Variants in SLC30A8 observed in about 807,000 individuals in gnomAD.
SLC30A8 encodes the protein proton-coupled zinc antiporter SLC30A8.
A neutral mutation model predicts 36.9 loss-of-function variants in SLC30A8; 27 were observed. The observed-to-expected ratio is 0.73, with a 90% CI of 0.54 to 1.01. SLC30A8 has a LOEUF of 1.01. Ranked by LOEUF, SLC30A8 falls within the 50% of genes least tolerant of loss-of-function variation. SLC30A8 has a pLI of 0.00. For missense variants in SLC30A8, 439 were observed against 452.0 expected, an observed-to-expected ratio of 0.97 and a Z score of 0.26; for synonymous variants, 164 against 172.4, an observed-to-expected ratio of 0.95 and a Z score of 0.38.
chr8:117,090,639 A>G (rs889421803), intron 2 of SLC30A8, among the ~76,000 whole-genome samples: 3 of 152,136 alleles, frequency 2.0e-5, no homozygotes, highest in African/African-American at 4.8e-5. Context: ...CTTATGATCT[A>G]AGCACATACC....
rs1821292861 is a variant in SLC30A8 at position 117,135,009 on chromosome 8, C to T, written c.-319C>T. On this transcript the variant is annotated 5_prime_UTR_variant, in exon 1 of 8. Coordinates refer to ENST00000456015, the MANE Select transcript of SLC30A8 (RefSeq NM_173851.3). ...CAATTTGTAGCAAGCTCTTGAGCTC[C>T]TCTACCTCTTAGAAAGCACAATTGA... The T allele has an allele frequency of 4.9e-6, 1 of 202,598 alleles. No individual in the cohort carries two copies. The highest frequency in any genetic ancestry group is 2.3e-5 in the African/African-American group (1 of 43,536). The allele number at this position is 202,598 out of a possible 1,614,324, so 12.6% of individuals were successfully genotyped here.
At chr8:117,010,859 C>T (rs1011341650) in intron 1 of SLC30A8, among the ~76,000 whole-genome samples, 1 of 152,142 alleles carries the variant, frequency 6.6e-6, no homozygotes. Context: ...TTTAAACAAC[C>T]AGCTCTTGTG....
intron 1 of SLC30A8, among the ~76,000 whole-genome samples, chr8:116,966,326 A>G (rs1232668300): frequency 5.3e-5 from 8 of 152,134 alleles, no homozygotes; most frequent in Admixed American, 5.2e-4. Flanking sequence ...GCTCAAGTTC[A>G]ATGGCTAGTT....
chr8:116,973,235 G>A (rs1814851957), intron 1 of SLC30A8, among the ~76,000 whole-genome samples: 1 of 152,164 alleles, frequency 6.6e-6, no homozygotes, highest in South Asian at 2.1e-4. Context: ...AAGCCACCGA[G>A]TTTGTGGTAT....
chr8:116,979,132 G>A (rs1586354720), intron 1 of SLC30A8, among the ~76,000 whole-genome samples: 1 of 150,284 alleles, frequency 6.7e-6, no homozygotes, highest in Non-Finnish European at 1.5e-5. Context: ...CCAGCTACTC[G>A]GGAGGCTGAG....
At chr8:117,080,053 A>T (rs1818620402) in intron 2 of SLC30A8, among the ~76,000 whole-genome samples, 1 of 152,194 alleles carries the variant, frequency 6.6e-6, no homozygotes, top group African/African-American at 2.4e-5. Flanking sequence ...TGGAGTACAG[A>T]CAAGGAGCGA....
intron 2 of SLC30A8, among the ~76,000 whole-genome samples, chr8:117,106,909 A>G (rs1820019123): frequency 6.6e-6 from 1 of 152,190 alleles, no homozygotes; most frequent in African/African-American, 2.4e-5. Context: ...TGACCTGCAT[A>G]TGCTTTATTG....
intron 1 of SLC30A8, among the ~76,000 whole-genome samples, chr8:117,146,107 A>G (rs1282117718): frequency 6.6e-6 from 1 of 152,164 alleles, no homozygotes; most frequent in African/African-American, 2.4e-5. Flanking sequence ...CAAAATAGCC[A>G]GAAAAGAATA....
chr8:117,083,649 A>G (rs1818749514), intron 2 of SLC30A8, among the ~76,000 whole-genome samples: 1 of 152,184 alleles, frequency 6.6e-6, no homozygotes. Flanking sequence ...TTTTCCAGGT[A>G]GCCTGACCCA....
rs184065807 is a variant in SLC30A8, at chr8:116,954,607, A to G, written c.-266+3488A>G. On this transcript the variant is annotated intron_variant, in intron 1 of 10. Transcript: ENST00000427715. ...CCTTGGAAAGAACAATTTCTGTGGAATGGTAGGTGTAGAATCTGAGTAATA... is the reference window on the plus strand; with the variant it reads ...CCTTGGAAAGAACAATTTCTGTGGAGTGGTAGGTGTAGAATCTGAGTAATA... 6.0e-3 allele frequency among the ~76,000 whole-genome samples: 921 copies of G among 152,348 alleles called. 1 individual carries two copies. Among genetic ancestry groups the G allele is most frequent in the Non-Finnish European group, 9.6e-3 (650 of 68,030 alleles).
upstream of SLC30A8, among the ~76,000 whole-genome samples, chr8:117,133,486 A>G (rs1455812476): frequency 6.6e-6 from 1 of 152,002 alleles, no homozygotes; most frequent in Non-Finnish European, 1.5e-5. Flanking sequence ...TCAAACTTCC[A>G]GATTGTTTAT....
intron 1 of SLC30A8, among the ~76,000 whole-genome samples, chr8:116,979,552 C>T (rs908553391): frequency 6.6e-5 from 10 of 152,232 alleles, no homozygotes; most frequent in South Asian, 6.2e-4. Context: ...CATTTCTGAA[C>T]GGCATTTGTC....
Position 117,049,020 on chromosome 8 carries a change from A to G in SLC30A8, c.-226+9762A>G, listed in dbSNP as rs114382489. Among the ~76,000 whole-genome samples, 331 of 152,312 alleles carry G rather than the reference A, an allele frequency of 2.2e-3. 1 individual carries two copies. Among genetic ancestry groups the G allele is most frequent in the African/African-American group, 7.7e-3 (318 of 41,558 alleles). Reference sequence around the variant, plus strand: ...AGAAAGGGAGCTTTCTGAAGCATATATCTTGATTTGAAAGACTGAAGATTT... The same window carrying G: ...AGAAAGGGAGCTTTCTGAAGCATATGTCTTGATTTGAAAGACTGAAGATTT... On this transcript the variant is annotated intron_variant, in intron 2 of 10. Coordinates refer to the SLC30A8 transcript ENST00000427715.
intron 1 of SLC30A8, among the ~76,000 whole-genome samples, chr8:116,962,158 C>T (rs1425322504): frequency 1.3e-5 from 2 of 151,964 alleles, no homozygotes; most frequent in East Asian, 1.9e-4. Context: ...TTGCCATATA[C>T]GTGGCTAGAA....
upstream of SLC30A8, among the ~76,000 whole-genome samples, chr8:117,131,247 A>G (rs565558052): frequency 6.4e-4 from 98 of 152,182 alleles, no homozygotes; most frequent in African/African-American, 2.3e-3. Context: ...TCTCTAAAAT[A>G]CAATCCAATT....
chr8:116,982,257 C>T (rs942316564), intron 1 of SLC30A8, among the ~76,000 whole-genome samples: 3 of 151,128 alleles, frequency 2.0e-5, no homozygotes, highest in Non-Finnish European at 4.4e-5. Flanking sequence ...AGGTTGTTTC[C>T]AGTTTTTTTT....
chr8:117,007,695 A>G (rs529970861), intron 1 of SLC30A8, among the ~76,000 whole-genome samples: 1 of 152,198 alleles, frequency 6.6e-6, no homozygotes, highest in Admixed American at 6.5e-5. Flanking sequence ...ACTCTGCTGG[A>G]TACCTATCGA....
chr8:117,122,582 T>G (rs1238324932), intron 2 of SLC30A8, among the ~76,000 whole-genome samples: 1 of 152,016 alleles, frequency 6.6e-6, no homozygotes, highest in Admixed American at 6.6e-5. Context: ...CTACAAGCAC[T>G]CTTCATCTGA....
At chr8:116,950,763 C>A (rs888544006), upstream of SLC30A8, among the ~76,000 whole-genome samples, 1 of 152,140 alleles carries the variant, frequency 6.6e-6, no homozygotes, top group African/African-American at 2.4e-5. Flanking sequence ...GTGGGATTGT[C>A]AGGGTCAGAG....
Sources: gnomAD v4.1 joint callset for allele counts (sites outside exome capture counted in the v4.1 genomes callset) on GRCh38, gnomAD v4.1.1 for gene constraint, MANE v1.5 for transcripts, NCBI Gene and HGNC (gene_info 2026-07-23, HGNC 2026-07-21) for gene names.